The following PHF24 variants were observed in gnomAD, a reference collection of about 807,000 sequenced individuals.
The protein encoded by PHF24 is Galpha inhibitory interacting protein.
PHF24 carries 25 observed loss-of-function variants against 42.6 expected under a neutral mutation model. That is an observed-to-expected ratio of 0.59 (90% CI 0.43 to 0.82). PHF24 has a LOEUF of 0.82. Ranked by LOEUF, PHF24 falls within the 40% of genes least tolerant of loss-of-function variation. The pLI, the probability that PHF24 is intolerant of heterozygous loss-of-function variation, is 0.00. For missense variants in PHF24, 470 were observed against 538.1 expected, an observed-to-expected ratio of 0.87 and a Z score of 1.25; for synonymous variants, 185 against 204.8, an observed-to-expected ratio of 0.90 and a Z score of 0.83.
At chr9:34,672,372 A>T in the PHF24 span, among the ~76,000 whole-genome samples, 1 of 152,202 alleles carries the variant, frequency 6.6e-6, no homozygotes, top group Non-Finnish European at 1.5e-5. Context: ...TCAATATAAA[A>T]ATTTAGGCTT....
At chr9:34,701,036 C>T in the PHF24 span, among the ~76,000 whole-genome samples, 10 of 152,160 alleles carry the variant, frequency 6.6e-5, no homozygotes, top group Non-Finnish European at 1.5e-5. This position sits in a 1 kb window ranked among gnomAD's most constrained non-coding sequence, Gnocchi z 5.8. Context: ...CTTGTTCACC[C>T]TCTTCCCAGC....
chr9:34,878,096 A>G, the PHF24 span, among the ~76,000 whole-genome samples: 33 of 152,298 alleles, frequency 2.2e-4, no homozygotes, highest in Admixed American at 2.2e-3. Flanking sequence ...CTCAATTGTA[A>G]CAAATGTATT....
the PHF24 span, among the ~76,000 whole-genome samples, chr9:34,757,438 G>T: frequency 1.3e-5 from 2 of 151,972 alleles, no homozygotes; most frequent in South Asian, 2.1e-4. Context: ...TATAGTTTGG[G>T]GTTTTCTATG....
chr9:34,832,235 A>C, the PHF24 span: 3 of 440,756 alleles, frequency 6.8e-6, no homozygotes, highest in East Asian at 3.7e-5. Flanking sequence ...ACTCTTTTTC[A>C]TGGCTCTGTG....
In PHF24 at chr9:34,976,244, G is replaced by A. The variant is rs376688483; in HGVS notation, c.643+14G>A. The A allele has an allele frequency of 9.5e-5, 153 of 1,607,390 alleles. No homozygotes were observed. Among genetic ancestry groups the A allele is most frequent in the South Asian group, 3.2e-4 (29 of 90,954 alleles). ...AAGTCATCCCTGGTAAGGTTGGGTG[G>A]TGCTGCATGGATGGAGAGGGGCCGG... is the stretch of plus-strand genomic sequence containing the variant. On this transcript the variant is annotated intron_variant, in intron 4 of 7. Coordinates refer to ENST00000242315, the Ensembl canonical transcript of PHF24.
At chr9:34,905,193 A>G in the PHF24 span, among the ~76,000 whole-genome samples, 5 of 152,128 alleles carry the variant, frequency 3.3e-5, no homozygotes, top group East Asian at 1.9e-4. Flanking sequence ...CCTGGTTCTG[A>G]TTCCCCTCGT....
At chr9:34,903,243 T>G in the PHF24 span, among the ~76,000 whole-genome samples, 1 of 152,220 alleles carries the variant, frequency 6.6e-6, no homozygotes, top group Admixed American at 6.5e-5. Context: ...ATAAATAAGC[T>G]GTTTGAAATT....
the PHF24 span, among the ~76,000 whole-genome samples, chr9:34,897,462 A>C: frequency 6.6e-6 from 1 of 152,226 alleles, no homozygotes; most frequent in Non-Finnish European, 1.5e-5. Flanking sequence ...GATGAATACA[A>C]CCATCTTATT....
chr9:34,783,970 C>G, the PHF24 span, among the ~76,000 whole-genome samples: 2 of 152,144 alleles, frequency 1.3e-5, no homozygotes, highest in African/African-American at 2.4e-5. Flanking sequence ...AATTTCTGCT[C>G]TATATTTTTT....
At chr9:34,740,295 A>G in the PHF24 span, among the ~76,000 whole-genome samples, 1 of 152,198 alleles carries the variant, frequency 6.6e-6, no homozygotes, top group Non-Finnish European at 1.5e-5. Context: ...GGGCGGCGCT[A>G]GTCAGGGAGG....
the PHF24 span, among the ~76,000 whole-genome samples, chr9:34,929,276 T>C: frequency 9.2e-5 from 14 of 152,218 alleles, no homozygotes; most frequent in Non-Finnish European, 1.9e-4. Flanking sequence ...GGGACCATTT[T>C]GATGGAATGG....
At chr9:34,764,683 T>C in the PHF24 span, among the ~76,000 whole-genome samples, 18 of 152,164 alleles carry the variant, frequency 1.2e-4, no homozygotes, top group Non-Finnish European at 2.6e-4. Flanking sequence ...AAGGGTTTTT[T>C]GTGTCTCTAT....
the PHF24 span, among the ~76,000 whole-genome samples, chr9:34,715,134 C>T: frequency 2.0e-5 from 3 of 151,964 alleles, no homozygotes; most frequent in African/African-American, 7.3e-5. Flanking sequence ...GCAGTAGGGG[C>T]TTTTCTGGAG....
At chr9:34,742,690 A>G in the PHF24 span, among the ~76,000 whole-genome samples, 2 of 152,060 alleles carry the variant, frequency 1.3e-5, no homozygotes, top group African/African-American at 2.4e-5. Context: ...TTGGCCTCCC[A>G]AAATGCTGGG....
At chr9:34,816,416 T>C in the PHF24 span, among the ~76,000 whole-genome samples, 1 of 152,214 alleles carries the variant, frequency 6.6e-6, no homozygotes. Flanking sequence ...AGAGGATCAG[T>C]GTCAGTCCAT....
chr9:34,875,938 ACACACACACACACTCT>A, the PHF24 span, among the ~76,000 whole-genome samples: 26 of 88,548 alleles, frequency 2.9e-4, no homozygotes, highest in African/African-American at 1.2e-3. Flanking sequence ...ACACACACAC[ACACACACACACACTCT>A]CTCTCTCTCT....
chr9:34,746,310 G>T, the PHF24 span, among the ~76,000 whole-genome samples: 1 of 152,118 alleles, frequency 6.6e-6, no homozygotes, highest in African/African-American at 2.4e-5. Flanking sequence ...AGTGCCTCTA[G>T]CTTAGCTACC....
At chr9:34,957,759 C>CA (rs958874631), upstream of PHF24, 6 of 152,292 alleles carry the variant, frequency 3.9e-5, no homozygotes, top group Admixed American at 1.3e-4. Context: ...CTGGTAGGCC[C>CA]TGCTGGATGA....
intron 1 of PHF24, among the ~76,000 whole-genome samples, chr9:34,963,448 T>G (rs80315556): frequency 0.024 from 3,622 of 152,250 alleles, 94 homozygotes; most frequent in East Asian, 0.073. Flanking sequence ...CTCTCAGCCC[T>G]TTGGGCACAT....
Sources: gnomAD v4.1 joint callset for allele counts (sites outside exome capture counted in the v4.1 genomes callset) on GRCh38, gnomAD v4.1.1 for gene constraint, Gnocchi (gnomAD v3.1) non-coding constraint, MANE v1.5 for transcripts, NCBI Gene and HGNC (gene_info 2026-07-23, HGNC 2026-07-21) for gene names.